Variants in RASSF2 observed in about 807,000 individuals in gnomAD.
The protein encoded by RASSF2 is Ras association domain family member 2, also known as ras association domain-containing protein 2.
RASSF2 carries 34 observed loss-of-function variants against 46.3 expected under a neutral mutation model. The ratio of observed to expected loss-of-function variants is 0.73; its 90% CI spans 0.56 to 0.98. The LOEUF (loss-of-function observed/expected upper bound fraction) is 0.98. Ranked by LOEUF, RASSF2 falls within the 50% of genes least tolerant of loss-of-function variation. The pLI is 0.00. For synonymous variants in RASSF2, 158 were observed against 162.5 expected, an observed-to-expected ratio of 0.97 and a Z score of 0.21; for missense variants, 364 against 431.2, an observed-to-expected ratio of 0.84 and a Z score of 1.38.
At chr20:4,784,918 C>G (rs1925174631) in intron 11 of RASSF2, among the ~76,000 whole-genome samples, 1 of 152,172 alleles carries the variant, frequency 6.6e-6, no homozygotes, top group African/African-American at 2.4e-5. Flanking sequence ...AGCCGTGGCA[C>G]TGCAGCTGCA....
At position 4,782,561 on chromosome 20, in the gene RASSF2, C is replaced by T. The variant is rs1020908081; in HGVS notation, c.*1712G>A. 6.6e-6 allele frequency: 1 copy of T among 152,414 alleles called. No individual in the cohort carries two copies. Among genetic ancestry groups the T allele is most frequent in the African/African-American group, 2.4e-5 (1 of 41,476 alleles). 9.4% of individuals were successfully genotyped at this position (152,414 alleles called of 1,614,324 possible). A position where few individuals can be genotyped will look rare whatever the true frequency, so the allele number is the denominator to read the frequency against. On this transcript the variant is annotated 3_prime_UTR_variant, in exon 12 of 12. Transcript: ENST00000379400. The stretch of plus-strand genomic sequence containing the variant: ...GAGGAAGGAGACTTGCTATAAAACC[C>T]TTGGCGAAATGCCAGGGGCCGCATG...
chr20:4,786,099 G>A (rs1008099622), intron 11 of RASSF2, 132 bp downstream of exon 11: 2 of 731,432 alleles, frequency 2.7e-6, no homozygotes, highest in Non-Finnish European at 4.7e-6. Flanking sequence ...TTTGTCAATG[G>A]GCAGCCCTCC....
rs775024211 is a variant in RASSF2 at position 4,784,271 on chromosome 20, G to A, written c.*2C>T. 1.7e-5 allele frequency: 28 copies of A among 1,612,730 alleles called. No individual in the cohort carries two copies. The highest frequency in any genetic ancestry group is 8.5e-7 in the Non-Finnish European group (1 of 1,178,892). ...GTGCCCAGATCCCCTCGTTCTCATG[G>A]CTCAGATTGTTGCTGGGGTCTCGGC... On this transcript the variant is annotated 3_prime_UTR_variant, in exon 12 of 12. Transcript: ENST00000379400.
chr20:4,804,353 C>CTT (rs10659167), intron 2 of RASSF2, among the ~76,000 whole-genome samples: 2,151 of 118,652 alleles, frequency 0.018, 122 homozygotes, highest in East Asian at 0.096. Flanking sequence ...AGAAAGCTTT[C>CTT]TTTTTTTTTT....
chr20:4,803,349 G>A (rs1296378291), intron 2 of RASSF2, among the ~76,000 whole-genome samples: 3 of 152,192 alleles, frequency 2.0e-5, no homozygotes, highest in African/African-American at 2.4e-5. Flanking sequence ...GGAAAAGCAA[G>A]AAAATGGACT....
At position 4,787,757 on chromosome 20, in the gene RASSF2, G is replaced by A; in HGVS notation, c.692-3C>T. The A allele has an allele frequency of 6.2e-7, 1 of 1,614,130 alleles. No individual in the cohort carries two copies. Among genetic ancestry groups the A allele is most frequent in the Non-Finnish European group, 8.5e-7 (1 of 1,180,028 alleles). ...GGTGGCCTTCAGCTTCTGTTTCTCT[G>A]CAACCACACACACCCAGGAGCAGCC... On this transcript the variant is annotated splice_region_variant and splice_polypyrimidine_tract_variant and intron_variant, in intron 9 of 11. Coordinates refer to ENST00000379400, the MANE Select transcript of RASSF2 (RefSeq NM_014737.3).
intron 10 of RASSF2, 100 bp downstream of exon 10, chr20:4,787,533 G>T: frequency 1.4e-6 from 2 of 1,465,768 alleles, no homozygotes; most frequent in Non-Finnish European, 1.9e-6. Flanking sequence ...AAGGGGGCAT[G>T]GTCGTTGGTC....
intron 11 of RASSF2, among the ~76,000 whole-genome samples, chr20:4,785,555 G>A (rs1925251581): frequency 6.6e-6 from 1 of 152,144 alleles, no homozygotes; most frequent in Non-Finnish European, 1.5e-5. Context: ...TTCCCAGAAA[G>A]CCGCTTTATT....
chr20:4,794,411 A>G (rs1356865418), intron 5 of RASSF2, among the ~76,000 whole-genome samples: 1 of 152,034 alleles, frequency 6.6e-6, no homozygotes, highest in Admixed American at 6.5e-5. Flanking sequence ...TCTACCAAAA[A>G]ATACAAAAAT....
intron 2 of RASSF2, among the ~76,000 whole-genome samples, chr20:4,816,216 G>C (rs931187465): frequency 1.3e-5 from 2 of 152,060 alleles, no homozygotes; most frequent in Non-Finnish European, 2.9e-5. Context: ...TGAGGTGGGA[G>C]GATGACTTGA....
intron 9 of RASSF2, 68 bp downstream of exon 9, chr20:4,788,149 G>A (rs945761948): frequency 2.9e-6 from 4 of 1,357,194 alleles, no homozygotes; most frequent in Non-Finnish European, 4.2e-6. Flanking sequence ...GGAGGCAGAG[G>A]TATTTTTTTA....
At chr20:4,788,080 C>A (rs1203558783) in intron 9 of RASSF2, 137 bp downstream of exon 9, 1 of 840,262 alleles carries the variant, frequency 1.2e-6, no homozygotes, top group African/African-American at 1.7e-5. Flanking sequence ...TACAGCAAGC[C>A]CATCAGCCTT....
chr20:4,788,893 T>C (rs1298430100), intron 8 of RASSF2, among the ~76,000 whole-genome samples: 1 of 152,142 alleles, frequency 6.6e-6, no homozygotes, highest in African/African-American at 2.4e-5. Context: ...GACGATACCA[T>C]AGTGAAGTCC....
Position 4,795,599 on chromosome 20 carries a change from C to A in RASSF2, c.287+216G>T, listed in dbSNP as rs898947268. On this transcript the variant is annotated intron_variant, in intron 5 of 11. Transcript: ENST00000379400. This position sits in a 1 kb window ranked among gnomAD's most constrained non-coding sequence, Gnocchi z 4.0. Reference sequence around the variant, plus strand: ...TGACTCAGCAGCTCCCCTCCTGTGACCTCATCAGTGATTGCAGTGACAGGA... The same window carrying A: ...TGACTCAGCAGCTCCCCTCCTGTGAACTCATCAGTGATTGCAGTGACAGGA... The A allele has an allele frequency of 6.7e-5, 33 of 496,130 alleles. No homozygotes were observed. The highest frequency in any genetic ancestry group is 3.9e-5 in the Non-Finnish European group (11 of 284,658). The allele number at this position is 496,130 out of a possible 1,614,324, so 30.7% of individuals were successfully genotyped here.
intron 3 of RASSF2, 129 bp from the exon 4 acceptor site, chr20:4,798,214 A>G: frequency 1.4e-6 from 2 of 1,400,500 alleles, no homozygotes; most frequent in Non-Finnish European, 1.9e-6. Context: ...CCACATGTAC[A>G]TACACACACA....
rs1252640823 is a variant in RASSF2 at position 4,783,623 on chromosome 20, C to A, written c.*650G>T. 6.5e-6 allele frequency: 1 copy of A among 152,734 alleles called. No individual in the cohort carries two copies. Among genetic ancestry groups the A allele is most frequent in the Admixed American group, 6.5e-5 (1 of 15,286 alleles). 9.5% of individuals were successfully genotyped at this position (152,734 alleles called of 1,614,324 possible). A position where few individuals can be genotyped will look rare whatever the true frequency, so the allele number is the denominator to read the frequency against. ...GTAAAAATACGTGGGCTTATTGCAT[C>A]TACCCCACGGATGGTTTATCTTTTT... is the stretch of plus-strand genomic sequence containing the variant. On this transcript the variant is annotated 3_prime_UTR_variant, in exon 12 of 12. Coordinates refer to ENST00000379400, the MANE Select transcript of RASSF2 (RefSeq NM_014737.3).
chr20:4,814,676 A>G (rs980469379), intron 2 of RASSF2, among the ~76,000 whole-genome samples: 4 of 152,126 alleles, frequency 2.6e-5, no homozygotes, highest in African/African-American at 9.7e-5. Flanking sequence ...ATTGCGGCAT[A>G]TCTGACATCC....
At position 4,790,127 on chromosome 20, in the gene RASSF2, A is replaced by G. The variant is rs1925745443; in HGVS notation, c.537+324T>C. Among the ~76,000 whole-genome samples the G allele has an allele frequency of 1.3e-5, 2 of 152,188 alleles. No individual in the cohort carries two copies. On this transcript the variant is annotated intron_variant, in intron 7 of 11. Transcript: ENST00000379400. This position sits in a 1 kb window ranked among gnomAD's most constrained non-coding sequence, Gnocchi z 4.3. ...GGGCACAGTGTGCAGGAAGAGGGTA[A>G]CACGTGGATTTTCTTGGGAGAGACT...
intron 6 of RASSF2, among the ~76,000 whole-genome samples, chr20:4,791,726 G>A (rs1311962553): frequency 7.2e-5 from 11 of 152,178 alleles, no homozygotes; most frequent in African/African-American, 2.4e-4. Flanking sequence ...CATGTATAAG[G>A]CCGCCGACTG....
Sources: allele counts gnomAD v4.1 joint callset (sites outside exome capture counted in the v4.1 genomes callset), GRCh38; gene constraint gnomAD v4.1.1; non-coding constraint Gnocchi (gnomAD v3.1); transcripts MANE v1.5; gene names NCBI Gene and HGNC (gene_info 2026-07-23, HGNC 2026-07-21).